Variants in WDPCP observed in about 807,000 individuals in gnomAD.
WDPCP encodes WD repeat-containing and planar cell polarity effector protein fritz homolog.
A neutral mutation model predicts 93.1 loss-of-function variants in WDPCP; 71 were observed. That is an observed-to-expected ratio of 0.76 (90% CI 0.63 to 0.93). The LOEUF (loss-of-function observed/expected upper bound fraction) is 0.93. Ranked by LOEUF, WDPCP falls within the 40% of genes least tolerant of loss-of-function variation. The probability of loss-of-function intolerance (pLI) is 0.00; values close to 1 mark genes in which losing one functional copy is unlikely to be tolerated. For synonymous variants in WDPCP, 315 were observed against 315.0 expected (o/e 1.00, Z 0.00); for missense variants, 844 against 887.4 (o/e 0.95, Z 0.62).
At chr2:63,581,538 T>C (rs539054287) in intron 1 of WDPCP, among the ~76,000 whole-genome samples, 8 of 152,170 alleles carry the variant, frequency 5.3e-5, no homozygotes, top group African/African-American at 1.7e-4. Context: ...TTGGGTAGAG[T>C]ACACAGAAAA....
At chr2:63,260,374 A>C (rs1381338863) in intron 13 of WDPCP, among the ~76,000 whole-genome samples, 1 of 152,240 alleles carries the variant, frequency 6.6e-6, no homozygotes, top group Non-Finnish European at 1.5e-5. Flanking sequence ...ACAGTGAAGA[A>C]ATAAATATAA....
At chr2:63,295,368 G>A (rs1430454311) in intron 13 of WDPCP, among the ~76,000 whole-genome samples, 1 of 151,810 alleles carries the variant, frequency 6.6e-6, no homozygotes, top group African/African-American at 2.4e-5. Context: ...GATAAAAACT[G>A]ACTCAACTAT....
chr2:63,588,731 T>A, upstream of WDPCP: 1 of 468,440 alleles, frequency 2.1e-6, no homozygotes, highest in South Asian at 2.2e-5. Flanking sequence ...AAACCATCCG[T>A]TTGTTGTCGT....
At chr2:63,711,479 A>C (rs1364497335) in intron 2 of WDPCP, 8 of 152,224 alleles carry the variant, frequency 5.3e-5, no homozygotes, top group Admixed American at 2.6e-4. Flanking sequence ...CTTCTAGGCC[A>C]AGCGCAGTGG....
rs533797674 is a variant in WDPCP, at chr2:63,703,907, C to T, written n.309-53069G>A. 5.7e-4 allele frequency among the ~76,000 whole-genome samples: 86 copies of T among 152,146 alleles called. 1 individual carries two copies. The South Asian group carries it at 0.016, about 29-fold the overall frequency. On this transcript the variant is annotated intron_variant and non_coding_transcript_variant, in intron 2 of 4. Transcript: ENST00000467687. ...ACCTTGGGCAGTATGGCCATTTTCA[C>T]GATATTGATTCTTCCTACCCATGAG...
At chr2:63,759,618 C>T (rs1365799344) in intron 2 of WDPCP, among the ~76,000 whole-genome samples, 1 of 152,202 alleles carries the variant, frequency 6.6e-6, no homozygotes, top group Non-Finnish European at 1.5e-5. Context: ...TTCATGCAGA[C>T]TTGGTGTGAA....
chr2:63,324,397 C>A (rs1687364536), intron 12 of WDPCP, among the ~76,000 whole-genome samples: 1 of 152,224 alleles, frequency 6.6e-6, no homozygotes, highest in African/African-American at 2.4e-5. Context: ...ACCACAAAAA[C>A]CCCCGGGCTA....
chr2:63,406,312 T>C (rs1335996530), intron 9 of WDPCP, among the ~76,000 whole-genome samples: 1 of 152,176 alleles, frequency 6.6e-6, no homozygotes, highest in Non-Finnish European at 1.5e-5. Flanking sequence ...TAAACTGCCA[T>C]AGGATCCATA....
At chr2:63,613,066 T>C (rs2106633705) in intron 3 of WDPCP, among the ~76,000 whole-genome samples, 1 of 152,328 alleles carries the variant, frequency 6.6e-6, no homozygotes, top group South Asian at 2.1e-4. Flanking sequence ...TTAAAGTACT[T>C]GGACAGTTAG....
chr2:63,645,810 A>C (rs1197046675), intron 3 of WDPCP, among the ~76,000 whole-genome samples: 1 of 152,184 alleles, frequency 6.6e-6, no homozygotes, highest in African/African-American at 2.4e-5. Context: ...GTCTGATATA[A>C]GTATAGCTAC....
chr2:63,291,712 G>A (rs1195200391), intron 13 of WDPCP, among the ~76,000 whole-genome samples: 2 of 151,898 alleles, frequency 1.3e-5, no homozygotes, highest in Non-Finnish European at 2.9e-5. Flanking sequence ...GGGAGGGAGA[G>A]GCAGGAGAAT....
intron 14 of WDPCP, among the ~76,000 whole-genome samples, chr2:63,189,418 C>T (rs1674875013): frequency 6.6e-6 from 1 of 152,264 alleles, no homozygotes; most frequent in African/African-American, 2.4e-5. Flanking sequence ...TCCTGTAGTC[C>T]ATTAACTAAT....
In WDPCP at chr2:63,329,241, T is replaced by C. The variant is rs535142591; in HGVS notation, c.1749-15930A>G. On this transcript the variant is annotated intron_variant, in intron 12 of 17. Transcript: ENST00000272321. ...CAATAACTATTCTACTCCATGTTTC[T>C]ATGAGTCTGACTTTAGATTTCTCAT... 9.8e-5 allele frequency among the ~76,000 whole-genome samples: 15 copies of C among 152,332 alleles called. No homozygotes were observed. In the South Asian group the frequency reaches 3.1e-3, roughly 32 times the overall value.
In WDPCP at chr2:63,649,376, A is replaced by G. The variant is rs561896642; in HGVS notation, n.488+1283T>C. Among the ~76,000 whole-genome samples the G allele has an allele frequency of 1.2e-3, 179 of 152,314 alleles. 5 individuals carry two copies. The South Asian group carries it at 0.035, about 30-fold the overall frequency. ...TTCACTTATGTGGTAACATGTAACA[A>G]CTGGACTTCTTTTATGACTGAATAA... On this transcript the variant is annotated intron_variant and non_coding_transcript_variant, in intron 3 of 4. Coordinates refer to the WDPCP transcript ENST00000467687.
rs751645563 is a variant in WDPCP, at chr2:63,404,147, G to A, written c.1336C>T (p.Pro446Ser). ...TCACCCTTCTGAGAAACAACCTGAG[G>A]AGCTATCCATTGCATTTGAACAAGA... The part of the protein sequence containing the change: ...SSLVQMQWIA[P>S]QVVSQKGEGS... Residue 446 changes from proline to serine, a missense_variant, in exon 10 of 18, where the codon CCT becomes TCT. Pro to Ser is a moderately conservative substitution (Grantham distance 74, BLOSUM62 -1). Transcript: ENST00000272321. The A allele has an allele frequency of 1.2e-6, 2 of 1,613,948 alleles. No homozygotes were observed. The highest frequency in any genetic ancestry group is 1.3e-5 in the African/African-American group (1 of 74,894).
chr2:63,382,951 G>A (rs1692435698), intron 10 of WDPCP, among the ~76,000 whole-genome samples: 1 of 152,040 alleles, frequency 6.6e-6, no homozygotes. Context: ...AAATCAGGGT[G>A]GTTCCTTGGC....
intron 2 of WDPCP, among the ~76,000 whole-genome samples, chr2:63,652,599 T>G (rs1710121072): frequency 6.6e-6 from 1 of 152,242 alleles, no homozygotes; most frequent in Non-Finnish European, 1.5e-5. Flanking sequence ...CATTTTCTTC[T>G]GCTAAGGCTT....
At chr2:63,456,424 T>G (rs1238139809) in intron 6 of WDPCP, among the ~76,000 whole-genome samples, 1 of 151,246 alleles carries the variant, frequency 6.6e-6, no homozygotes, top group Non-Finnish European at 1.5e-5. Flanking sequence ...CTGTCTAAAA[T>G]AAATAAATAA....
intron 9 of WDPCP, among the ~76,000 whole-genome samples, chr2:63,406,853 G>T (rs1385535137): frequency 6.6e-6 from 1 of 152,136 alleles, no homozygotes; most frequent in Non-Finnish European, 1.5e-5. Flanking sequence ...TTAGGTCAGA[G>T]AATTCTTTTC....
Sources: gnomAD v4.1 joint callset for allele counts (sites outside exome capture counted in the v4.1 genomes callset) on GRCh38, gnomAD v4.1.1 for gene constraint, MANE v1.5 for transcripts, NCBI Gene and HGNC (gene_info 2026-07-23, HGNC 2026-07-21) for gene names.